The following DMAC2 variants were observed in gnomAD, a reference collection of about 807,000 sequenced individuals.
DMAC2 encodes the protein distal membrane arm assembly component 2, also known as distal membrane-arm assembly complex protein 2.
A neutral mutation model predicts 29.6 loss-of-function variants in DMAC2; 32 were observed. The ratio of observed to expected loss-of-function variants is 1.08; its 90% CI spans 0.81 to 1.45. DMAC2 has a LOEUF of 1.45. Among genes scored for constraint, DMAC2 ranks in the 40% most tolerant of loss-of-function variants. The probability of loss-of-function intolerance (pLI) is 0.00; values close to 1 mark genes in which losing one functional copy is unlikely to be tolerated. For synonymous variants in DMAC2, 133 were observed against 137.4 expected (o/e 0.97, Z 0.23); for missense variants, 319 against 340.0 (o/e 0.94, Z 0.49).
intron 1 of DMAC2, among the ~76,000 whole-genome samples, chr19:41,438,697 A>T (rs77819693): frequency 8.3e-4 from 127 of 152,174 alleles, no homozygotes; most frequent in African/African-American, 2.9e-3. Flanking sequence ...TATCACTCAA[A>T]ACCTGCATTA....
rs1555771213 is a variant in DMAC2, at chr19:41,436,464, G to A, written c.224C>T (p.Thr75Ile). The change falls in exon 3 of 6, where the codon ACC becomes ATC. Residue 75 changes from threonine to isoleucine, a missense_variant. Transcript: ENST00000221943. ...TGGACCATGTTGCTTCTCCAGCCAG[G>A]TGTAAGATCTGCAGAGAAAATGGTA... is the stretch of plus-strand genomic sequence containing the variant. Reference protein sequence around the residue: ...YKVHEKNRSYTWLEKQHGPYG... With the variant: ...YKVHEKNRSYIWLEKQHGPYG... 5.0e-6 allele frequency: 8 copies of A among 1,614,008 alleles called. No individual in the cohort carries two copies. The South Asian group carries it at 6.6e-5, about 13-fold the overall frequency.
chr19:41,439,179 C>G, intron 1 of DMAC2: 1 of 350,878 alleles, frequency 2.8e-6, no homozygotes. Flanking sequence ...AAGGTCTCCT[C>G]TTAATCTACC....
At chr19:41,438,522 C>T (rs1249468498) in intron 1 of DMAC2, 108 bp from the exon 2 acceptor site, 3 of 934,452 alleles carry the variant, frequency 3.2e-6, no homozygotes, top group African/African-American at 1.7e-5. Context: ...CTTCCCAACT[C>T]ACCCTAAGTT....
At chr19:41,437,262 G>A (rs2039916229) in intron 2 of DMAC2, among the ~76,000 whole-genome samples, 2 of 151,916 alleles carry the variant, frequency 1.3e-5, no homozygotes, top group Non-Finnish European at 1.5e-5. Flanking sequence ...TAGGTGTGGT[G>A]GCGCCTGCCT....
intron 1 of DMAC2, chr19:41,439,274 G>A: frequency 2.1e-6 from 1 of 482,782 alleles, no homozygotes; most frequent in Non-Finnish European, 3.7e-6. Flanking sequence ...TTCCTCAAAA[G>A]TTTAAAGCTG....
At position 41,439,060 on chromosome 19, in the gene DMAC2, C is replaced by A. The variant is rs576316699; in HGVS notation, c.19-646G>T. ...CCCAGGGAAGCCAAAAGATTGGACA[C>A]CCCTGAACCGAGAAGGGTATAAAAA... On this transcript the variant is annotated intron_variant, in intron 1 of 5. Coordinates refer to ENST00000221943, the MANE Select transcript of DMAC2 (RefSeq NM_018035.3). 3.1e-5 allele frequency: 6 copies of A among 192,308 alleles called. No homozygotes were observed. The East Asian group carries it at 8.1e-4, about 26-fold the overall frequency. 11.9% of individuals were successfully genotyped at this position (192,308 alleles called of 1,614,324 possible).
intron 5 of DMAC2, chr19:41,432,887 C>CGTGTGTGTGTGTGCGTGT (rs2039645095): frequency 4.2e-6 from 2 of 471,052 alleles, no homozygotes; most frequent in African/African-American, 4.2e-5. Flanking sequence ...TGTGTGCGTG[C>CGTGTGTGTGTGTGCGTGT]GTGCATGCGT....
chr19:41,434,050 C>A (rs540885268), intron 3 of DMAC2, among the ~76,000 whole-genome samples: 1 of 151,918 alleles, frequency 6.6e-6, no homozygotes, highest in African/African-American at 2.4e-5. Flanking sequence ...GGCTAATACA[C>A]GGTGAAACCC....
At position 41,438,249 on chromosome 19, in the gene DMAC2, T is replaced by C. The variant is rs1222934787; in HGVS notation, c.184A>G (p.Arg62Gly). ...VEALRDYLLQ[R>G]EMYKVHEKNR... The stretch of plus-strand genomic sequence containing the variant: ...TTCTCATGCACCTTGTACATCTCCC[T>C]TTGGAGCAAGTAATCCCTCAGAGCC... The change falls in exon 2 of 6, where the codon AGG becomes GGG. Residue 62 changes from arginine (R) to glycine (G), a missense_variant. Arg to Gly is a moderately radical substitution (Grantham distance 125). Transcript: ENST00000221943. 3 of 1,614,128 alleles carry C rather than the reference T, an allele frequency of 1.9e-6. No individual in the cohort carries two copies. Among genetic ancestry groups the C allele is most frequent in the African/African-American group, 2.7e-5 (2 of 74,960 alleles).
In DMAC2 at chr19:41,432,279, T is replaced by C. The variant is rs1262284042; in HGVS notation, c.726A>G (p.Ser242=). 19 of 1,614,034 alleles carry C rather than the reference T, an allele frequency of 1.2e-5. No individual in the cohort carries two copies. The highest frequency in any genetic ancestry group is 1.5e-5 in the Non-Finnish European group (18 of 1,180,020). Residue 242 remains serine (S), a synonymous_variant, in exon 6 of 6, where the codon TCA becomes TCG. Coordinates refer to ENST00000221943, the MANE Select transcript of DMAC2 (RefSeq NM_018035.3). ...TGTCCCGAGGCTGCTCCTCCGGCCC[T>C]GACTTCAGGCCCTCAGCCCAGTCGA... The part of the protein sequence containing the change: ...VGVDWAEGLK[S]GPEEQPRDTA...
At position 41,431,372 on chromosome 19, in the gene DMAC2, G is replaced by A. The variant is rs782304463; in HGVS notation, c.*859C>T. ...GAATTACTGGCTTTAACAGTGAACTGGAATAATGAGGGCTTCACTGGTAAA... is the reference window on the plus strand; with the variant it reads ...GAATTACTGGCTTTAACAGTGAACTAGAATAATGAGGGCTTCACTGGTAAA... On this transcript the variant is annotated 3_prime_UTR_variant, in exon 6 of 6. Transcript: ENST00000221943. The A allele has an allele frequency of 2.0e-6, 1 of 507,302 alleles. No homozygotes were observed. The highest frequency in any genetic ancestry group is 5.5e-5 in the East Asian group (1 of 18,092). The allele number at this position is 507,302 out of a possible 1,614,324, so 31.4% of individuals were successfully genotyped here.
At chr19:41,437,992 G>A (rs1555771699) in intron 2 of DMAC2, among the ~76,000 whole-genome samples, 2 of 152,250 alleles carry the variant, frequency 1.3e-5, no homozygotes, top group African/African-American at 2.4e-5. Flanking sequence ...TTTGGCTTTA[G>A]CCATGTTAGG....
intron 3 of DMAC2, among the ~76,000 whole-genome samples, chr19:41,435,362 C>T (rs1475253137): frequency 1.3e-5 from 2 of 152,112 alleles, no homozygotes; most frequent in Middle Eastern, 3.4e-3. Flanking sequence ...CTCTGCATCC[C>T]GGCTTCTAAG....
chr19:41,438,078 G>C (rs1181960531), intron 2 of DMAC2, 140 bp downstream of exon 2: 1 of 765,864 alleles, frequency 1.3e-6, no homozygotes, highest in African/African-American at 1.7e-5. Context: ...CCTTGAGAAG[G>C]GTACAGCCTG....
chr19:41,433,231 A>T (rs2039668685), intron 5 of DMAC2, 41 bp downstream of exon 5: 1 of 1,566,140 alleles, frequency 6.4e-7, no homozygotes, highest in Non-Finnish European at 8.6e-7. Flanking sequence ...TAGGTGGGAG[A>T]GGTGCCTGGG....
At position 41,433,304 on chromosome 19, in the gene DMAC2, G is replaced by A. The variant is rs1555770011; in HGVS notation, c.564C>T (p.Ser188=). The change falls in exon 5 of 6, where the codon TCC becomes TCT. Residue 188 remains serine (S), a synonymous_variant. Transcript: ENST00000221943. ...ELSLAGCPRI[S]ERGLACLHHL... ...GGTGGAGGCAGGCGAGGCCCCGTTCGGAGATGCGGGGGCAACCGGCCAGCG... is the reference window on the plus strand; with the variant it reads ...GGTGGAGGCAGGCGAGGCCCCGTTCAGAGATGCGGGGGCAACCGGCCAGCG... 4.3e-6 allele frequency: 7 copies of A among 1,610,876 alleles called. 1 individual carries two copies. Among genetic ancestry groups the A allele is most frequent in the Middle Eastern group, 3.5e-4 (2 of 5,652 alleles).
rs1250360540 is a variant in DMAC2 at position 41,438,428 on chromosome 19, G to A, written c.19-14C>T. The A allele has an allele frequency of 5.6e-6, 9 of 1,605,188 alleles. No homozygotes were observed. Among genetic ancestry groups the A allele is most frequent in the African/African-American group, 2.7e-5 (2 of 74,754 alleles). Reference sequence around the variant, plus strand: ...CAGGCGCAGGGACTGGGGAGGGGGAGAGGAAAGGAGCTGAGCCTGGAGCCT... The same window carrying A: ...CAGGCGCAGGGACTGGGGAGGGGGAAAGGAAAGGAGCTGAGCCTGGAGCCT... On this transcript the variant is annotated splice_polypyrimidine_tract_variant and intron_variant, in intron 1 of 5. Coordinates refer to ENST00000221943, the MANE Select transcript of DMAC2 (RefSeq NM_018035.3).
intron 3 of DMAC2, among the ~76,000 whole-genome samples, chr19:41,435,746 A>G (rs2039823544): frequency 6.6e-6 from 1 of 151,868 alleles, no homozygotes; most frequent in Non-Finnish European, 1.5e-5. Context: ...TTTTTTGTAG[A>G]GACAGGGTCT....
chr19:41,434,024 A>G (rs1255489123), intron 3 of DMAC2, among the ~76,000 whole-genome samples: 3 of 152,150 alleles, frequency 2.0e-5, no homozygotes, highest in Non-Finnish European at 4.4e-5. Flanking sequence ...CGAGGTCAGG[A>G]GATCGAAACC....
Sources: gnomAD v4.1 joint callset for allele counts (sites outside exome capture counted in the v4.1 genomes callset) on GRCh38, gnomAD v4.1.1 for gene constraint, MANE v1.5 for transcripts, NCBI Gene and HGNC (gene_info 2026-07-23, HGNC 2026-07-21) for gene names.